The following ATP9A variants were observed in gnomAD, a reference collection of about 807,000 sequenced individuals.
The protein encoded by ATP9A is ATPase phospholipid transporting 9A.
A neutral mutation model predicts 144.1 loss-of-function variants in ATP9A; 52 were observed. The ratio of observed to expected loss-of-function variants is 0.36; its 90% CI spans 0.29 to 0.45. The LOEUF (loss-of-function observed/expected upper bound fraction) is 0.45, where lower values mean the gene tolerates loss of function less well. ATP9A is among the 20% of genes least tolerant of loss of function. The pLI is 1.00. For missense variants in ATP9A, 947 were observed against 1,392.7 expected (o/e 0.68, Z 5.09); for synonymous variants, 582 against 557.4 (o/e 1.04, Z -0.62).
chr20:51,762,238 C>T (rs1381879693), intron 1 of ATP9A, among the ~76,000 whole-genome samples: 1 of 152,096 alleles, frequency 6.6e-6, no homozygotes, highest in Non-Finnish European at 1.5e-5. Flanking sequence ...TGGTGGCTCA[C>T]GCCTGTAATC....
rs867253449 is a variant in ATP9A at position 51,658,896 on chromosome 20, G to T, written c.1294-1746C>A. Among the ~76,000 whole-genome samples, 5 of 118,090 alleles carry T rather than the reference G, an allele frequency of 4.2e-5. 1 individual carries two copies. Among genetic ancestry groups the T allele is most frequent in the South Asian group, 7.4e-4 (2 of 2,694 alleles). 77.5% of individuals were successfully genotyped at this position (118,090 alleles called of 152,430 possible). A position where few individuals can be genotyped will look rare whatever the true frequency, so the allele number is the denominator to read the frequency against. ...AAAATTAAGACCACTGGCGGGGGGG[G>T]GGGGGGGAAGGCTCATTGTTGAACA... On this transcript the variant is annotated intron_variant, in intron 13 of 27. Transcript: ENST00000338821.
rs1287271066 is a variant in ATP9A at position 51,689,039 on chromosome 20, C to G, written c.799+25G>C. 4 of 1,610,096 alleles carry G rather than the reference C, an allele frequency of 2.5e-6. No individual in the cohort carries two copies. In the African/African-American group the frequency reaches 5.3e-5, roughly 22 times the overall value. On this transcript the variant is annotated intron_variant, in intron 9 of 27. Coordinates refer to ENST00000338821, the MANE Select transcript of ATP9A (RefSeq NM_006045.3). ...TTTTCTTTCCTTTTCAAATTGCTAC[C>G]ACATTCCTCAAAACGGCGCCTCACC...
In ATP9A at chr20:51,729,949, C is replaced by T; in HGVS notation, c.98G>A (p.Gly33Glu). 3 of 1,572,804 alleles carry T rather than the reference C, an allele frequency of 1.9e-6. No individual in the cohort carries two copies. In the South Asian group the frequency reaches 3.5e-5, roughly 18 times the overall value. The change falls in exon 2 of 28, where the codon GGA becomes GAA. Residue 33 changes from glycine (G) to glutamate (E), a missense_variant. Gly to Glu is a moderately conservative substitution (Grantham distance 98). Transcript: ENST00000338821. Reference sequence around the variant, plus strand: ...GACAGTGCGGGGCCTGGCCTCCCCTCCACCGCAGCATCTCAGCCACTCGCA... The same window carrying T: ...GACAGTGCGGGGCCTGGCCTCCCCTTCACCGCAGCATCTCAGCCACTCGCA... The part of the protein sequence containing the change: ...GCCEWLRCCG[G>E]GEARPRTVWL...
chr20:51,744,623 G>A (rs2077799635), intron 1 of ATP9A, among the ~76,000 whole-genome samples: 1 of 152,212 alleles, frequency 6.6e-6, no homozygotes, highest in Admixed American at 6.5e-5. Flanking sequence ...AGAGCCAAGG[G>A]AACAATGTTT....
chr20:51,622,253 A>G (rs1332481138), intron 18 of ATP9A, 81 bp from the exon 19 acceptor site: 1 of 1,135,880 alleles, frequency 8.8e-7, no homozygotes, highest in South Asian at 1.3e-5. Flanking sequence ...GTTTCCAACA[A>G]CATGGAGCTG....
rs553906356 is a variant in ATP9A, at chr20:51,749,348, C to T, written c.68+18954G>A. Among the ~76,000 whole-genome samples the T allele has an allele frequency of 1.4e-4, 22 of 152,248 alleles. No homozygotes were observed. The South Asian group carries it at 4.6e-3, about 32-fold the overall frequency. The stretch of plus-strand genomic sequence containing the variant: ...TGCGATCTCGGCTCACTGCAACCTC[C>T]GCCTCCCGGATTCAAGCAATTCTTC... On this transcript the variant is annotated intron_variant, in intron 1 of 27. Transcript: ENST00000338821.
In ATP9A at chr20:51,697,919, C is replaced by T. The variant is rs2426378; in HGVS notation, c.437-437G>A. On this transcript the variant is annotated intron_variant, in intron 4 of 27. Transcript: ENST00000338821. ...TGATTTACTTTTTAATTTATAATTGCTACATGCTTTGATTTATAGGATTAT... is the reference window on the plus strand; with the variant it reads ...TGATTTACTTTTTAATTTATAATTGTTACATGCTTTGATTTATAGGATTAT... Among the ~76,000 whole-genome samples, 1,079 of 152,256 alleles carry T rather than the reference C, an allele frequency of 7.1e-3. 5 individuals carry two copies. Among genetic ancestry groups the T allele is most frequent in the Non-Finnish European group, 0.01 (685 of 68,022 alleles).
In ATP9A at chr20:51,625,185, G is replaced by C. The variant is rs749176093; in HGVS notation, c.2016+7C>G. ...GAGTGCCCTTCCCTGCGGGCAGCCC[G>C]CCCTACCTTGATGCCAGCATTCCTC... On this transcript the variant is annotated splice_region_variant and intron_variant, in intron 18 of 27. Coordinates refer to ENST00000338821, the MANE Select transcript of ATP9A (RefSeq NM_006045.3). 8.7e-6 allele frequency: 14 copies of C among 1,607,626 alleles called. No individual in the cohort carries two copies. Among genetic ancestry groups the C allele is most frequent in the Admixed American group, 3.3e-5 (2 of 59,904 alleles).
intron 3 of ATP9A, among the ~76,000 whole-genome samples, chr20:51,715,048 T>C (rs543134684): frequency 6.6e-6 from 1 of 152,342 alleles, no homozygotes; most frequent in African/African-American, 2.4e-5. Flanking sequence ...CCCTATCCCC[T>C]TTTAAAGCTT....
intron 15 of ATP9A, among the ~76,000 whole-genome samples, chr20:51,634,932 G>A (rs1461003943): frequency 6.6e-6 from 1 of 150,552 alleles, no homozygotes; most frequent in East Asian, 2.0e-4. Flanking sequence ...CTCAATACAA[G>A]TGCTCAGTGC....
chr20:51,638,076 TATATATATATATATATATATATATATA>T (rs2077301543), intron 15 of ATP9A, among the ~76,000 whole-genome samples: 2 of 13,738 alleles, frequency 1.5e-4, no homozygotes, highest in African/African-American at 2.8e-4. Flanking sequence ...TCATTTTATA[TATATATATATATATATATATATATATA>T]TATATATATA....
chr20:51,690,034 C>T (rs1221690214), intron 8 of ATP9A, among the ~76,000 whole-genome samples: 3 of 146,922 alleles, frequency 2.0e-5, no homozygotes, highest in Non-Finnish European at 1.5e-5. Flanking sequence ...ATCACTTGAA[C>T]CCGGGAGGCA....
intron 13 of ATP9A, among the ~76,000 whole-genome samples, chr20:51,659,747 A>C (rs2077403527): frequency 6.6e-6 from 1 of 152,252 alleles, no homozygotes; most frequent in Admixed American, 6.5e-5. Flanking sequence ...AAGAAACAAG[A>C]AAATGACTTT....
chr20:51,718,471 G>C (rs1035078358), intron 3 of ATP9A, among the ~76,000 whole-genome samples: 3 of 151,890 alleles, frequency 2.0e-5, no homozygotes, highest in Non-Finnish European at 4.4e-5. Context: ...AACAGGAGCA[G>C]CTTTGGAGGA....
chr20:51,681,787 C>G (rs1041080619), intron 9 of ATP9A, among the ~76,000 whole-genome samples: 1 of 152,196 alleles, frequency 6.6e-6, no homozygotes, highest in African/African-American at 2.4e-5. Context: ...TCTCCTAAGG[C>G]ACTACCACAG....
intron 22 of ATP9A, among the ~76,000 whole-genome samples, chr20:51,616,565 C>G (rs866542867): frequency 6.6e-6 from 1 of 152,100 alleles, no homozygotes; most frequent in Admixed American, 6.6e-5. Flanking sequence ...GTGATCCTCC[C>G]GCCTCAGCCT....
Position 51,613,744 on chromosome 20 carries a change from C to T in ATP9A, c.2504G>A (p.Ser835Asn), listed in dbSNP as rs1486554371. 1.2e-6 allele frequency: 2 copies of T among 1,614,170 alleles called. No individual in the cohort carries two copies. The highest frequency in any genetic ancestry group is 1.7e-6 in the Non-Finnish European group (2 of 1,180,030). The part of the protein sequence containing the change: ...GRLLMVHGRN[S>N]YKRSAALSQF... ...GCTGAGGGCGGCTGACCGCTTGTAG[C>T]TGTTCCGGCCATGCACCATAAGCAA... The change falls in exon 23 of 28, where the codon AGC becomes AAC. Residue 835 changes from serine to asparagine, a missense_variant. Around this residue, in one of 2 missense-constraint regions of ATP9A, gnomAD observed 177 missense variants for 344.9 expected, o/e 0.51. Transcript: ENST00000338821.
chr20:51,617,322 A>C (rs2077207219), intron 22 of ATP9A, among the ~76,000 whole-genome samples, 168 bp downstream of exon 22: 1 of 152,164 alleles, frequency 6.6e-6, no homozygotes, highest in Admixed American at 6.5e-5. Flanking sequence ...AAGATGTAGC[A>C]ATACAGACCT....
At chr20:51,672,374 T>C (rs2077459725) in intron 11 of ATP9A, among the ~76,000 whole-genome samples, 1 of 152,160 alleles carries the variant, frequency 6.6e-6, no homozygotes, top group South Asian at 2.1e-4. Context: ...TGCTTGCCAT[T>C]TTACTGGCTA....
Sources: allele counts gnomAD v4.1 joint callset (sites outside exome capture counted in the v4.1 genomes callset), GRCh38; gene constraint gnomAD v4.1.1; regional missense constraint gnomAD v4.1.1; transcripts MANE v1.5; gene names NCBI Gene and HGNC (gene_info 2026-07-23, HGNC 2026-07-21).